IQSEC1: variants seen among roughly 807,000 people sequenced by gnomAD.
IQSEC1 encodes the protein IQ motif and SEC7 domain-containing protein 1.
IQSEC1 carries 31 observed loss-of-function variants against 91.0 expected under a neutral mutation model. The ratio of observed to expected loss-of-function variants is 0.34; its 90% confidence interval spans 0.26 to 0.46. The LOEUF (loss-of-function observed/expected upper bound fraction) is 0.46, where lower values mean the gene tolerates loss of function less well. Ranked by LOEUF, IQSEC1 falls within the 20% of genes least tolerant of loss-of-function variation. IQSEC1 has a pLI of 1.00. For missense variants in IQSEC1, 1,388 were observed against 1,575.6 expected, an observed-to-expected ratio of 0.88 and a Z score of 2.02; for synonymous variants, 699 against 662.6, an observed-to-expected ratio of 1.05 and a Z score of -0.84.
rs527762863 is a variant in IQSEC1 at position 13,148,824 on chromosome 3, G to T, written c.302+15280C>A. 3.6e-4 allele frequency among the ~76,000 whole-genome samples: 55 copies of T among 152,374 alleles called. No homozygotes were observed. In the South Asian group the frequency reaches 0.011, roughly 29 times the overall value. ...GGACACGTCAGGCTAGCCTGCTTTGGCTCCCAAGTGGATTAAAGGGGCTGA... is the reference window on the plus strand; with the variant it reads ...GGACACGTCAGGCTAGCCTGCTTTGTCTCCCAAGTGGATTAAAGGGGCTGA... On this transcript the variant is annotated intron_variant, in intron 2 of 15. Transcript: ENST00000648114.
At chr3:13,038,276 A>ATATATATATG (rs1413806134) in intron 1 of IQSEC1, among the ~76,000 whole-genome samples, 2 of 139,456 alleles carry the variant, frequency 1.4e-5, no homozygotes, top group East Asian at 2.2e-4. Context: ...ATATATATAT[A>ATATATATATG]TATATATATA....
At chr3:13,246,093 C>T (rs1695103758) in intron 1 of IQSEC1, among the ~76,000 whole-genome samples, 1 of 152,190 alleles carries the variant, frequency 6.6e-6, no homozygotes, top group South Asian at 2.1e-4. Flanking sequence ...GAAATATTAA[C>T]TAAATAGTAG....
chr3:13,069,201 G>A lies in IQSEC1; in HGVS notation c.23+3791C>T, dbSNP rs151323904. On this transcript the variant is annotated intron_variant, in intron 1 of 13. Transcript: ENST00000613206. ...TCACTGCATGGCAAGAAAGGCTACCGGTCATCACACGTGCTTGAGTGAAGA... is the reference window on the plus strand; with the variant it reads ...TCACTGCATGGCAAGAAAGGCTACCAGTCATCACACGTGCTTGAGTGAAGA... Among the ~76,000 whole-genome samples the A allele has an allele frequency of 9.3e-4, 141 of 152,100 alleles. 1 individual carries two copies. Among genetic ancestry groups the A allele is most frequent in the African/African-American group, 3.2e-3 (133 of 41,488 alleles).
chr3:13,014,392 A>G (rs1229550477), intron 1 of IQSEC1, among the ~76,000 whole-genome samples: 1 of 152,212 alleles, frequency 6.6e-6, no homozygotes, highest in African/African-American at 2.4e-5. Context: ...CATCTGTCCC[A>G]TGTCACATGG....
Position 12,908,321 on chromosome 3 carries a change from G to A in IQSEC1, c.2755+28C>T, listed in dbSNP as rs754405519. ...CCTCGGTCTTGCATGCGCTGGGCTA[G>A]CAAGGTGGTTCTAGGCCAAGCTCTT... On this transcript the variant is annotated intron_variant, in intron 12 of 13. Coordinates refer to ENST00000613206, the MANE Select transcript of IQSEC1 (RefSeq NM_001134382.3). This position sits in a 1 kb window ranked among gnomAD's most constrained non-coding sequence, Gnocchi z 4.9. The A allele has an allele frequency of 1.9e-6, 3 of 1,608,278 alleles. No individual in the cohort carries two copies. Among genetic ancestry groups the A allele is most frequent in the Non-Finnish European group, 2.5e-6 (3 of 1,178,210 alleles).
At chr3:13,081,798 G>A (rs1019954993) in intron 2 of IQSEC1, among the ~76,000 whole-genome samples, 1 of 152,182 alleles carries the variant, frequency 6.6e-6, no homozygotes, top group Non-Finnish European at 1.5e-5. Flanking sequence ...ACCTTGGGCG[G>A]GTCTTCGCTC....
At chr3:12,925,144 C>T (rs1697000235) in intron 3 of IQSEC1, among the ~76,000 whole-genome samples, 1 of 152,208 alleles carries the variant, frequency 6.6e-6, no homozygotes, top group Admixed American at 6.5e-5. Context: ...GCACTGGCCC[C>T]AAACTCCCGC....
rs1373693832 is a variant in IQSEC1, at chr3:13,131,570, T to C, written c.302+32534A>G. Among the ~76,000 whole-genome samples, 11 of 145,580 alleles carry C rather than the reference T, an allele frequency of 7.6e-5. No homozygotes were observed. The Admixed American group carries it at 7.9e-4, about 10-fold the overall frequency. The stretch of plus-strand genomic sequence containing the variant: ...GGCACGATCTCAGCTCACCGCAACC[T>C]GTAGCTCCTAGGTTCAAGCTATTCT... On this transcript the variant is annotated intron_variant, in intron 2 of 15. Transcript: ENST00000648114.
In IQSEC1 at chr3:12,967,272, C is replaced by G; in HGVS notation, c.24-25407G>C. ...GCCCCGCAGGCAGCTTTCTCTCGCA[C>G]GCCGGGCGCCCGGTCCCGACGGTCA... On this transcript the variant is annotated intron_variant, in intron 1 of 13. Transcript: ENST00000613206. This position sits in a 1 kb window ranked among gnomAD's most constrained non-coding sequence, Gnocchi z 5.9. The G allele has an allele frequency of 1.1e-6, 1 of 885,906 alleles. No homozygotes were observed. The highest frequency in any genetic ancestry group is 3.1e-5 in the East Asian group (1 of 31,762). The allele number at this position is 885,906 out of a possible 1,614,324, so 54.9% of individuals were successfully genotyped here. A position where few individuals can be genotyped will look rare whatever the true frequency, so the allele number is the denominator to read the frequency against.
intron 2 of IQSEC1, among the ~76,000 whole-genome samples, chr3:13,084,253 T>G (rs1457961470): frequency 6.6e-6 from 1 of 152,036 alleles, no homozygotes; most frequent in Non-Finnish European, 1.5e-5. Flanking sequence ...ACACGGCAGG[T>G]CACCCAGCCC....
At chr3:13,239,129 C>T (rs1358365675) in intron 1 of IQSEC1, among the ~76,000 whole-genome samples, 1 of 152,230 alleles carries the variant, frequency 6.6e-6, no homozygotes, top group African/African-American at 2.4e-5. Context: ...AGAGTTAGAG[C>T]AAGTTATGGA....
intron 2 of IQSEC1, among the ~76,000 whole-genome samples, chr3:13,082,997 C>T (rs964574547): frequency 6.6e-6 from 1 of 152,188 alleles, no homozygotes; most frequent in African/African-American, 2.4e-5. Context: ...ATTCCTGCCC[C>T]GCCAGCTCCC....
rs1027766119 is a variant in IQSEC1 at position 13,197,649 on chromosome 3, G to T, written c.273-33516C>A. On this transcript the variant is annotated intron_variant, in intron 1 of 15. Coordinates refer to the IQSEC1 transcript ENST00000648114. ...AACTTCACGGCCGCATGCAGTAGTC[G>T]CTAGTCAGCATCCCACCTTACGACC... Among the ~76,000 whole-genome samples the T allele has an allele frequency of 6.4e-4, 98 of 152,208 alleles. 1 individual carries two copies. Among genetic ancestry groups the T allele is most frequent in the African/African-American group, 2.3e-3 (97 of 41,464 alleles).
rs748396796 is a variant in IQSEC1, at chr3:12,924,530, G to A, written c.1730+51C>T. The A allele has an allele frequency of 7.0e-5, 107 of 1,528,386 alleles. No homozygotes were observed. Among genetic ancestry groups the A allele is most frequent in the Non-Finnish European group, 8.3e-5 (94 of 1,127,492 alleles). 94.7% of individuals were successfully genotyped at this position (1,528,386 alleles called of 1,614,324 possible). A position where few individuals can be genotyped will look rare whatever the true frequency, so the allele number is the denominator to read the frequency against. On this transcript the variant is annotated intron_variant, in intron 4 of 13. Transcript: ENST00000613206. This position sits in a 1 kb window ranked among gnomAD's most constrained non-coding sequence, Gnocchi z 6.3. The stretch of plus-strand genomic sequence containing the variant: ...TGTGCCCACGGGTAACACAGGGTGC[G>A]TGAGGGCGTGTGTGGAATCAGGTCC...
At chr3:12,950,405 C>T (rs773608621) in intron 1 of IQSEC1, among the ~76,000 whole-genome samples, 9 of 152,164 alleles carry the variant, frequency 5.9e-5, no homozygotes, top group Non-Finnish European at 1.3e-4. Flanking sequence ...TGGTGGCTCA[C>T]GCCTGCAATC....
At chr3:12,903,346 G>C (rs142420655) in intron 12 of IQSEC1, among the ~76,000 whole-genome samples, 2 of 151,834 alleles carry the variant, frequency 1.3e-5, no homozygotes, top group African/African-American at 4.8e-5. Context: ...GGGTGAAGAG[G>C]AAACAACTTC....
intron 2 of IQSEC1, among the ~76,000 whole-genome samples, chr3:13,158,341 A>G (rs982680792): frequency 6.6e-6 from 1 of 152,210 alleles, no homozygotes; most frequent in Non-Finnish European, 1.5e-5. Context: ...AGCAGTTTTC[A>G]TACCTCCTTG....
At chr3:12,997,337 G>C (rs192255264) in intron 1 of IQSEC1, among the ~76,000 whole-genome samples, 94 of 152,252 alleles carry the variant, frequency 6.2e-4, no homozygotes, top group Admixed American at 3.1e-3. Context: ...AGGACTGAGG[G>C]GTGCATGGAA....
At chr3:13,144,609 A>G (rs358374) in intron 2 of IQSEC1, among the ~76,000 whole-genome samples, 131,422 of 152,146 alleles carry the variant, frequency 0.86, 56,973 homozygotes, top group African/African-American at 0.92. Context: ...TGGGCACACC[A>G]GAGGCCTTTT....
Sources: gnomAD v4.1 joint callset for allele counts (sites outside exome capture counted in the v4.1 genomes callset) on GRCh38, gnomAD v4.1.1 for gene constraint, Gnocchi (gnomAD v3.1) non-coding constraint, MANE v1.5 for transcripts, NCBI Gene and HGNC (gene_info 2026-07-23, HGNC 2026-07-21) for gene names.